SH3TC1: variants seen among roughly 807,000 people sequenced by gnomAD.
SH3TC1 encodes SH3 domain and tetratricopeptide repeats 1.
A neutral mutation model predicts 117.3 loss-of-function variants in SH3TC1; 135 were observed. The observed-to-expected ratio is 1.15, with a 90% confidence interval of 1.00 to 1.33. SH3TC1 has a LOEUF of 1.33. Ranked by LOEUF, SH3TC1 falls within the 40% of genes most tolerant of loss-of-function variation. The probability of loss-of-function intolerance (pLI) is 0.00; values close to 1 mark genes in which losing one functional copy is unlikely to be tolerated. For missense variants in SH3TC1, 2,092 were observed against 1,794.3 expected (o/e 1.17, Z -3.00); for synonymous variants, 898 against 816.9 (o/e 1.10, Z -1.69).
chr4:8,202,107 C>T (rs1717878503), intron 1 of SH3TC1, among the ~76,000 whole-genome samples: 1 of 152,174 alleles, frequency 6.6e-6, no homozygotes, highest in Non-Finnish European at 1.5e-5. Flanking sequence ...GGAAGACAGC[C>T]TGGCCTTGCA....
At chr4:8,189,363 G>A (rs543802643) in intron 1 of SH3TC1, among the ~76,000 whole-genome samples, 1 of 152,396 alleles carries the variant, frequency 6.6e-6, no homozygotes, top group South Asian at 2.1e-4. Context: ...GGCGGAGCAT[G>A]CTGAGTCTTT....
rs1312824233 is a variant in SH3TC1 at position 8,236,295 on chromosome 4, G to C, written c.3423G>C (p.Leu1141=). The C allele has an allele frequency of 6.4e-7, 1 of 1,555,408 alleles. No homozygotes were observed. Among genetic ancestry groups the C allele is most frequent in the East Asian group, 2.4e-5 (1 of 41,560 alleles). Residue 1141 remains leucine (L), a synonymous_variant, in exon 16 of 18, where the codon CTG becomes CTC. Transcript: ENST00000245105. ...TGTGGCAGGACCGGGCCCTGCCCCT[G>C]GCAGTGACTACGGGCAACCGCAAGG... ...VSFYRDRALP[L]AVTTGNRKAE...
rs1242892040 is a variant in SH3TC1, at chr4:8,190,711, GCTC to G, written c.-57+8502_-57+8504del. ...GCTGGAGTGCAGTAGTGTGGTTATC[GCTC>G]GCTGCAGCCTCCAACTCCTGGGCTC... is the stretch of plus-strand genomic sequence containing the variant. On this transcript the variant is annotated intron_variant, in intron 1 of 16. Transcript: ENST00000508641. The surrounding 1 kb of genome is among the most constrained non-coding windows in gnomAD (Gnocchi z 4.7). Among the ~76,000 whole-genome samples the G allele has an allele frequency of 1.3e-5, 2 of 152,018 alleles. No individual in the cohort carries two copies. The highest frequency in any genetic ancestry group is 4.8e-5 in the African/African-American group (2 of 41,376).
At chr4:8,238,341 G>A (rs1445151832) in intron 17 of SH3TC1, among the ~76,000 whole-genome samples, 1 of 152,202 alleles carries the variant, frequency 6.6e-6, no homozygotes, top group Non-Finnish European at 1.5e-5. Context: ...GCTGGGACCT[G>A]TGCTCCCTCT....
At chr4:8,202,563 G>A (rs1015884238) in intron 1 of SH3TC1, among the ~76,000 whole-genome samples, 1 of 152,208 alleles carries the variant, frequency 6.6e-6, no homozygotes, top group South Asian at 2.1e-4. Flanking sequence ...TGGTTGGGGG[G>A]TGGGAAGGAT....
chr4:8,216,813 C>A (rs1326115624), intron 6 of SH3TC1, 144 bp from the exon 7 acceptor site: 2 of 788,184 alleles, frequency 2.5e-6, no homozygotes, highest in Non-Finnish European at 4.2e-6. Flanking sequence ...TTCTGAGCCC[C>A]TTTGGGTCTC....
In SH3TC1 at chr4:8,227,808, G is replaced by C; in HGVS notation, c.2114G>C (p.Trp705Ser). 6.2e-7 allele frequency: 1 copy of C among 1,612,788 alleles called. No individual in the cohort carries two copies. The highest frequency in any genetic ancestry group is 8.5e-7 in the Non-Finnish European group (1 of 1,179,974). The part of the protein sequence containing the change: ...HRDSGAPEAA[W>S]LSDCYLLLAD... ...GACTCGGGAGCCCCAGAGGCCGCGT[G>C]GCTCTCAGACTGCTACCTACTCCTG... Residue 705 changes from tryptophan to serine, a missense_variant, in exon 12 of 18, where the codon TGG (tryptophan) becomes TCG (serine). Physicochemically the swap from Trp to Ser is radical, Grantham distance 177. Transcript: ENST00000245105.
Position 8,225,327 on chromosome 4 carries a change from C to A in SH3TC1, c.1285+111C>A. On this transcript the variant is annotated intron_variant, in intron 11 of 17. Transcript: ENST00000245105. The surrounding 1 kb of genome is among the most constrained non-coding windows in gnomAD (Gnocchi z 5.5). ...GTGGGCATTGGGTGCGGCTGTCACCCCTCTGTGGTGTGGGCTGGGGGCTTG... is the reference window on the plus strand; with the variant it reads ...GTGGGCATTGGGTGCGGCTGTCACCACTCTGTGGTGTGGGCTGGGGGCTTG... 8.1e-7 allele frequency: 1 copy of A among 1,238,196 alleles called. No homozygotes were observed. The highest frequency in any genetic ancestry group is 2.0e-5 in the Admixed American group (1 of 49,840). The allele number at this position is 1,238,196 out of a possible 1,614,324, so 76.7% of individuals were successfully genotyped here. A position where few individuals can be genotyped will look rare whatever the true frequency, so the allele number is the denominator to read the frequency against.
intron 12 of SH3TC1, among the ~76,000 whole-genome samples, chr4:8,230,476 T>G (rs1721089552): frequency 6.6e-6 from 1 of 152,144 alleles, no homozygotes; most frequent in Admixed American, 6.5e-5. Flanking sequence ...CTTTTCTTGG[T>G]CAGTCTGGTG....
intron 7 of SH3TC1, among the ~76,000 whole-genome samples, chr4:8,217,533 G>A (rs1184429343): frequency 2.6e-5 from 4 of 152,248 alleles, no homozygotes; most frequent in Non-Finnish European, 5.9e-5. Context: ...TAGAGCCAGG[G>A]GATGTGAGGA....
At chr4:8,237,369 C>T in intron 16 of SH3TC1, 105 bp from the exon 17 acceptor site, 1 of 989,488 alleles carries the variant, frequency 1.0e-6, no homozygotes, top group Non-Finnish European at 1.4e-6. Flanking sequence ...GCCAGAACTG[C>T]CCAGGTGACC....
intron 1 of SH3TC1, among the ~76,000 whole-genome samples, chr4:8,187,637 C>T (rs762704949): frequency 8.6e-5 from 13 of 151,850 alleles, no homozygotes; most frequent in East Asian, 1.9e-4. Flanking sequence ...CTGCAACTTC[C>T]GCCTTCTGGG....
rs568608713 is a variant in SH3TC1, at chr4:8,232,935, C to G, written c.3132-428C>G. The G allele has an allele frequency of 1.3e-4, 151 of 1,193,302 alleles. 1 individual carries two copies. Among genetic ancestry groups the G allele is most frequent in the Non-Finnish European group, 5.9e-5 (56 of 944,414 alleles). 73.9% of individuals were successfully genotyped at this position (1,193,302 alleles called of 1,614,324 possible). On this transcript the variant is annotated intron_variant, in intron 13 of 17. Coordinates refer to ENST00000245105, the MANE Select transcript of SH3TC1 (RefSeq NM_018986.5). ...GGCAAGTGGGAGTTCTAGGGCCCGCCCCAGGCCCGTGGAGCCAGAAGCTCT... is the reference window on the plus strand; with the variant it reads ...GGCAAGTGGGAGTTCTAGGGCCCGCGCCAGGCCCGTGGAGCCAGAAGCTCT...
rs1163166865 is a variant in SH3TC1, at chr4:8,225,263, C to T, written c.1285+47C>T. The stretch of plus-strand genomic sequence containing the variant: ...GGCTTCCTCTGGTTATGAGCTGGGC[C>T]TTGGGGTAACGCTGGGGGAGGTGAC... On this transcript the variant is annotated intron_variant, in intron 11 of 17. Coordinates refer to ENST00000245105, the MANE Select transcript of SH3TC1 (RefSeq NM_018986.5). This position sits in a 1 kb window ranked among gnomAD's most constrained non-coding sequence, Gnocchi z 5.5. The T allele has an allele frequency of 6.3e-7, 1 of 1,592,544 alleles. No individual in the cohort carries two copies. Among genetic ancestry groups the T allele is most frequent in the African/African-American group, 1.3e-5 (1 of 74,552 alleles).
At chr4:8,232,617 A>G (rs890716346) in intron 13 of SH3TC1, 95 of 1,328,506 alleles carry the variant, frequency 7.2e-5, no homozygotes, top group Non-Finnish European at 8.8e-5. Flanking sequence ...CAGGGTTTCA[A>G]GGTCTCACAT....
At chr4:8,202,997 A>C (rs1717938147) in intron 1 of SH3TC1, among the ~76,000 whole-genome samples, 1 of 152,192 alleles carries the variant, frequency 6.6e-6, no homozygotes. Flanking sequence ...GGTGACAGCC[A>C]CAGCCATGGG....
upstream of SH3TC1, among the ~76,000 whole-genome samples, chr4:8,194,763 C>T (rs1305100950): frequency 6.6e-6 from 1 of 152,214 alleles, no homozygotes; most frequent in African/African-American, 2.4e-5. Context: ...AGCACCATTG[C>T]AAAGATTAAC....
At chr4:8,189,380 C>T (rs1019333809) in intron 1 of SH3TC1, among the ~76,000 whole-genome samples, 4 of 152,364 alleles carry the variant, frequency 2.6e-5, no homozygotes, top group Admixed American at 6.5e-5. Context: ...CTTTCCAGGG[C>T]GCAGGGCAAG....
At chr4:8,194,281 A>G (rs1196832569) in intron 1 of SH3TC1, among the ~76,000 whole-genome samples, 1 of 152,182 alleles carries the variant, frequency 6.6e-6, no homozygotes, top group African/African-American at 2.4e-5. Context: ...GGCTTTCCTG[A>G]AGGAAGGACA....
Sources: allele counts gnomAD v4.1 joint callset (sites outside exome capture counted in the v4.1 genomes callset), GRCh38; gene constraint gnomAD v4.1.1; non-coding constraint Gnocchi (gnomAD v3.1); transcripts MANE v1.5; gene names NCBI Gene and HGNC (gene_info 2026-07-23, HGNC 2026-07-21).